The following ANK3 variants were observed in gnomAD, a reference collection of about 807,000 sequenced individuals.
ANK3 encodes ankyrin-3.
Under a neutral mutation model 370.9 loss-of-function variants are expected in ANK3, and 57 were observed. The ratio of observed to expected loss-of-function variants is 0.15; its 90% CI spans 0.12 to 0.19. ANK3 has a LOEUF of 0.19. Among genes scored for constraint, ANK3 ranks in the 10% least tolerant of loss-of-function variants. ANK3 has a pLI of 1.00. For synonymous variants in ANK3, 1,929 were observed against 1,946.3 expected (o/e 0.99, Z 0.23); for missense variants, 4,439 against 5,302.1 (o/e 0.84, Z 5.06).
intron 2 of ANK3, among the ~76,000 whole-genome samples, chr10:60,423,837 G>A (rs1477230651): frequency 2.0e-5 from 3 of 151,916 alleles, no homozygotes; most frequent in African/African-American, 7.2e-5. Context: ...CCTGTGCAAG[G>A]TTTATGTATT....
At chr10:60,145,985 T>C (rs1354816614) in intron 23 of ANK3, 1 of 1,024,260 alleles carries the variant, frequency 9.8e-7, no homozygotes, top group Non-Finnish European at 1.5e-6. Context: ...CGTAAACTCT[T>C]GTACCTTGGG....
intron 23 of ANK3, among the ~76,000 whole-genome samples, chr10:60,159,441 A>G (rs2095437650): frequency 6.6e-6 from 1 of 152,172 alleles, no homozygotes; most frequent in South Asian, 2.1e-4. Flanking sequence ...ATTAGAGGTA[A>G]AGAGAGAGAT....
At chr10:60,462,994 C>G (rs144832587) in intron 2 of ANK3, among the ~76,000 whole-genome samples, 1 of 152,148 alleles carries the variant, frequency 6.6e-6, no homozygotes, top group East Asian at 1.9e-4. Flanking sequence ...GCCTTGACCT[C>G]CCAGGCTCTG....
At chr10:60,360,622 T>C (rs1461677255) in intron 1 of ANK3, among the ~76,000 whole-genome samples, 4 of 151,990 alleles carry the variant, frequency 2.6e-5, no homozygotes, top group African/African-American at 4.8e-5. Flanking sequence ...GATGGGAGGA[T>C]TGCTTAAACC....
At position 60,071,907 on chromosome 10, in the gene ANK3, G is replaced by T. The variant is rs2131973043; in HGVS notation, c.8974C>A (p.Gln2992Lys). 1.2e-6 allele frequency: 2 copies of T among 1,614,008 alleles called. No homozygotes were observed. The highest frequency in any genetic ancestry group is 1.7e-6 in the Non-Finnish European group (2 of 1,179,966). Residue 2992 changes from glutamine (Q) to lysine (K), a missense_variant, in exon 37 of 44, where the codon CAA becomes AAA. Coordinates refer to ENST00000280772, the MANE Select transcript of ANK3 (RefSeq NM_020987.5). ...QSAFPKHELSQKLSQSSMSKE... is the reference protein window; with the variant it reads ...QSAFPKHELSKKLSQSSMSKE... Reference sequence around the variant, plus strand: ...CTCATGCTTGACTGGGACAATTTTTGTGATAGTTCATGTTTTGGAAATGCC... The same window carrying T: ...CTCATGCTTGACTGGGACAATTTTTTTGATAGTTCATGTTTTGGAAATGCC...
intron 1 of ANK3, among the ~76,000 whole-genome samples, chr10:60,370,361 A>G (rs1213160842): frequency 6.6e-6 from 1 of 152,220 alleles, no homozygotes; most frequent in Admixed American, 6.5e-5. Flanking sequence ...AATGGATTAT[A>G]TTAATCATGC....
At position 60,196,599 on chromosome 10, in the gene ANK3, T is replaced by C. The variant is rs762579505; in HGVS notation, c.1716A>G (p.Ala572=). 3.1e-6 allele frequency: 5 copies of C among 1,607,732 alleles called. No individual in the cohort carries two copies. The South Asian group carries it at 5.5e-5, about 18-fold the overall frequency. The change falls in exon 15 of 44, where the codon GCA becomes GCG. Residue 572 remains alanine, a synonymous_variant. Transcript: ENST00000280772. ...CGACTTCAAGCTTTCCATATTTTGC[T>C]GCCACATGAAGAGGAGTAAATCCTT... ...TKKGFTPLHV[A]AKYGKLEVAN...
chr10:60,652,087 T>C (rs1423171483), intron 1 of ANK3, among the ~76,000 whole-genome samples: 1 of 152,182 alleles, frequency 6.6e-6, no homozygotes, highest in Non-Finnish European at 1.5e-5. Context: ...CTGGGGACAG[T>C]GGCTCATGCC....
chr10:60,514,021 C>G (rs547233612), intron 2 of ANK3, among the ~76,000 whole-genome samples: 21 of 152,064 alleles, frequency 1.4e-4, no homozygotes, highest in Admixed American at 1.3e-3. Context: ...AACCTGAAGA[C>G]GAGGATGAAG....
intron 2 of ANK3, among the ~76,000 whole-genome samples, chr10:60,467,162 T>G (rs1052730727): frequency 6.6e-6 from 1 of 152,186 alleles, no homozygotes; most frequent in East Asian, 1.9e-4. Context: ...GATTAAAAAT[T>G]TATTGGCTGA....
intron 1 of ANK3, among the ~76,000 whole-genome samples, chr10:60,658,967 GA>G (rs1447193287): frequency 1.3e-5 from 2 of 151,618 alleles, no homozygotes; most frequent in Non-Finnish European, 2.9e-5. Context: ...AGGAGGAGAG[GA>G]AGGGGAAGGG....
intron 1 of ANK3, among the ~76,000 whole-genome samples, chr10:60,357,930 G>A (rs1432577474): frequency 6.6e-6 from 1 of 151,954 alleles, no homozygotes; most frequent in Non-Finnish European, 1.5e-5. Flanking sequence ...CTTGAATGTG[G>A]GTGCTAACTT....
chr10:60,077,441 A>G (rs2084092086), intron 36 of ANK3, among the ~76,000 whole-genome samples: 1 of 152,218 alleles, frequency 6.6e-6, no homozygotes, highest in Non-Finnish European at 1.5e-5. Context: ...TTCGTATGCC[A>G]TATTATGCAC....
intron 7 of ANK3, among the ~76,000 whole-genome samples, chr10:60,254,447 C>T (rs906971349): frequency 6.6e-6 from 1 of 152,220 alleles, no homozygotes; most frequent in Non-Finnish European, 1.5e-5. Context: ...CCTCTCCATG[C>T]TCCAGTAGCT....
intron 1 of ANK3, among the ~76,000 whole-genome samples, chr10:60,315,513 G>T (rs970046672): frequency 1.3e-5 from 2 of 151,972 alleles, no homozygotes; most frequent in Admixed American, 6.6e-5. Context: ...AAGTAAAAAC[G>T]GTCCAGAATC....
At chr10:60,649,143 C>T (rs1444862531) in intron 1 of ANK3, among the ~76,000 whole-genome samples, 2 of 152,146 alleles carry the variant, frequency 1.3e-5, no homozygotes, top group African/African-American at 2.4e-5. Flanking sequence ...AACATAGCTT[C>T]CCAGTTACTA....
At chr10:60,421,210 G>C (rs2063771477) in intron 2 of ANK3, among the ~76,000 whole-genome samples, 1 of 152,108 alleles carries the variant, frequency 6.6e-6, no homozygotes, top group Non-Finnish European at 1.5e-5. Context: ...TAATAATAGA[G>C]TTTATGTTTG....
chr10:60,571,445 A>T (rs1298425187), intron 2 of ANK3, among the ~76,000 whole-genome samples: 2 of 152,190 alleles, frequency 1.3e-5, no homozygotes, highest in African/African-American at 4.8e-5. Flanking sequence ...TATAGCCACC[A>T]TTCTGTATGT....
intron 23 of ANK3, chr10:60,145,924 A>C (rs2094798626): frequency 1.4e-6 from 1 of 716,364 alleles, no homozygotes; most frequent in Non-Finnish European, 2.5e-6. Flanking sequence ...TTGCCTTTCA[A>C]AATGGGAACT....
Sources: allele counts gnomAD v4.1 joint callset (sites outside exome capture counted in the v4.1 genomes callset), GRCh38; gene constraint gnomAD v4.1.1; transcripts MANE v1.5; gene names NCBI Gene and HGNC (gene_info 2026-07-23, HGNC 2026-07-21).